The following RIC1 variants were observed in gnomAD, a reference collection of about 807,000 sequenced individuals.
RIC1 encodes RIC1 partner of RAB6A GEF complex, also known as guanine nucleotide exchange factor subunit RIC1.
Under a neutral mutation model 169.0 loss-of-function variants are expected in RIC1, and 88 were observed. The ratio of observed to expected loss-of-function variants is 0.52; its 90% confidence interval spans 0.44 to 0.62. The LOEUF is 0.62. RIC1 is among the 20% of genes least tolerant of loss of function. The pLI is 0.00. For missense variants in RIC1, 1,877 were observed against 1,725.5 expected, an observed-to-expected ratio of 1.09 and a Z score of -1.56; for synonymous variants, 790 against 601.5, an observed-to-expected ratio of 1.31 and a Z score of -4.59.
At chr9:5,681,319 A>T (rs561880347) in intron 2 of RIC1, among the ~76,000 whole-genome samples, 1 of 151,518 alleles carries the variant, frequency 6.6e-6, no homozygotes, top group East Asian at 1.9e-4. Context: ...AATTCCCTCT[A>T]CGCACTGCTT....
intron 2 of RIC1, among the ~76,000 whole-genome samples, chr9:5,668,665 G>C (rs1351446195): frequency 1.3e-5 from 2 of 151,946 alleles, no homozygotes; most frequent in African/African-American, 4.8e-5. Context: ...ATTTGCTATT[G>C]AATTTCTGTA....
At chr9:5,723,224 T>A (rs979753862) in intron 6 of RIC1, among the ~76,000 whole-genome samples, 1 of 152,240 alleles carries the variant, frequency 6.6e-6, no homozygotes, top group African/African-American at 2.4e-5. Context: ...ACCTATTGTT[T>A]CCTAAGTTTT....
intron 3 of RIC1, among the ~76,000 whole-genome samples, chr9:5,694,162 A>G (rs1049960769): frequency 1.3e-5 from 2 of 152,190 alleles, no homozygotes; most frequent in Non-Finnish European, 2.9e-5. Flanking sequence ...TTTAACTTCA[A>G]CACAACTTGC....
At chr9:5,676,436 A>T (rs1820447284) in intron 2 of RIC1, among the ~76,000 whole-genome samples, 1 of 152,182 alleles carries the variant, frequency 6.6e-6, no homozygotes, top group African/African-American at 2.4e-5. Flanking sequence ...CTTTATGTGT[A>T]TTAAAATTAA....
chr9:5,639,214 C>T (rs188264620), intron 1 of RIC1, among the ~76,000 whole-genome samples: 1 of 152,146 alleles, frequency 6.6e-6, no homozygotes, highest in East Asian at 1.9e-4. Context: ...CATTTTTCTT[C>T]TTTTATGGTG....
intron 1 of RIC1, among the ~76,000 whole-genome samples, chr9:5,648,909 T>G (rs992640226): frequency 2.0e-5 from 3 of 152,246 alleles, no homozygotes; most frequent in Admixed American, 2.0e-4. Flanking sequence ...TTTTAGTTTC[T>G]TGTCAGATGC....
Position 5,763,987 on chromosome 9 carries a change from T to G in RIC1, c.2841+119T>G, listed in dbSNP as rs1826510356. ...GGAATTCATAGTCAAATTTTCTGTT[T>G]ATATCTTTAATTTGGAAGAATTCAG... On this transcript the variant is annotated intron_variant, in intron 19 of 25. Coordinates refer to ENST00000414202, the MANE Select transcript of RIC1 (RefSeq NM_020829.4). The surrounding 1 kb of genome is among the most constrained non-coding windows in gnomAD (Gnocchi z 5.2). 1.8e-6 allele frequency: 2 copies of G among 1,136,652 alleles called. No homozygotes were observed. The highest frequency in any genetic ancestry group is 2.9e-4 in the Middle Eastern group (1 of 3,504). The allele number at this position is 1,136,652 out of a possible 1,614,324, so 70.4% of individuals were successfully genotyped here.
chr9:5,672,919 A>G (rs1820195692), intron 2 of RIC1, among the ~76,000 whole-genome samples: 1 of 152,210 alleles, frequency 6.6e-6, no homozygotes, highest in African/African-American at 2.4e-5. Flanking sequence ...TCTCATAGCC[A>G]TGAAAAAAGA....
intron 2 of RIC1, among the ~76,000 whole-genome samples, chr9:5,682,052 C>T (rs1438178554): frequency 6.6e-6 from 1 of 152,112 alleles, no homozygotes. Context: ...CTATGTGTGT[C>T]TCTGCACCTG....
intron 3 of RIC1, among the ~76,000 whole-genome samples, chr9:5,690,854 A>G (rs1032833433): frequency 6.6e-6 from 1 of 151,998 alleles, no homozygotes; most frequent in Admixed American, 6.5e-5. Context: ...CAGTAGATAA[A>G]TAGGGAAAGT....
At chr9:5,721,515 A>G (rs907308968) in intron 6 of RIC1, among the ~76,000 whole-genome samples, 2 of 152,128 alleles carry the variant, frequency 1.3e-5, no homozygotes, top group Non-Finnish European at 2.9e-5. Flanking sequence ...ACTTAACCCC[A>G]TTCTCCTAGT....
chr9:5,762,432 CAATA>C, intron 17 of RIC1, 105 bp from the exon 18 acceptor site: 1 of 1,353,286 alleles, frequency 7.4e-7, no homozygotes, highest in Non-Finnish European at 1.0e-6. Flanking sequence ...AGTACAACCT[CAATA>C]AATAATGTAG....
intron 4 of RIC1, among the ~76,000 whole-genome samples, chr9:5,718,000 CA>C (rs1283866907): frequency 2.0e-5 from 3 of 151,712 alleles, no homozygotes; most frequent in Non-Finnish European, 4.4e-5. Flanking sequence ...ATTAGCTGGG[CA>C]TGGTGGCGTG....
At chr9:5,643,863 C>G (rs1053851231) in intron 1 of RIC1, among the ~76,000 whole-genome samples, 1 of 152,118 alleles carries the variant, frequency 6.6e-6, no homozygotes, top group African/African-American at 2.4e-5. Context: ...ACAGTTTCTT[C>G]GTTCAGATTT....
At chr9:5,639,376 A>C (rs756329736) in intron 1 of RIC1, among the ~76,000 whole-genome samples, 1 of 152,154 alleles carries the variant, frequency 6.6e-6, no homozygotes, top group Non-Finnish European at 1.5e-5. Context: ...TCAGGAACAT[A>C]TTGTTTAATT....
At chr9:5,672,862 A>T (rs1820192676) in intron 2 of RIC1, among the ~76,000 whole-genome samples, 1 of 152,178 alleles carries the variant, frequency 6.6e-6, no homozygotes, top group African/African-American at 2.4e-5. Flanking sequence ...TTGACAATAG[A>T]CTTCTCACTA....
intron 1 of RIC1, among the ~76,000 whole-genome samples, chr9:5,650,930 C>G (rs550831684): frequency 6.6e-6 from 1 of 152,310 alleles, no homozygotes; most frequent in Admixed American, 6.5e-5. Flanking sequence ...TAGGGCTTTA[C>G]TAATGTGGAA....
In RIC1 at chr9:5,774,413, C is replaced by T; in HGVS notation, c.*167C>T. The T allele has an allele frequency of 1.8e-6, 1 of 547,682 alleles. No individual in the cohort carries two copies. Among genetic ancestry groups the T allele is most frequent in the Non-Finnish European group, 3.0e-6 (1 of 336,988 alleles). 33.9% of individuals were successfully genotyped at this position (547,682 alleles called of 1,614,324 possible). A position where few individuals can be genotyped will look rare whatever the true frequency, so the allele number is the denominator to read the frequency against. On this transcript the variant is annotated 3_prime_UTR_variant, in exon 26 of 26. Coordinates refer to ENST00000414202, the MANE Select transcript of RIC1 (RefSeq NM_020829.4). ...TCTTGTCTAAGAAATCTTTTTGACTCCATAAAAATGTGATATAAAGCATCT... is the reference window on the plus strand; with the variant it reads ...TCTTGTCTAAGAAATCTTTTTGACTTCATAAAAATGTGATATAAAGCATCT...
chr9:5,755,803 A>G (rs1825974185), intron 15 of RIC1, among the ~76,000 whole-genome samples: 1 of 152,092 alleles, frequency 6.6e-6, no homozygotes, highest in Admixed American at 6.5e-5. Context: ...CACCCCTGTA[A>G]TCCCAGCTAC....
Sources: allele counts gnomAD v4.1 joint callset (sites outside exome capture counted in the v4.1 genomes callset), GRCh38; gene constraint gnomAD v4.1.1; non-coding constraint Gnocchi (gnomAD v3.1); transcripts MANE v1.5; gene names NCBI Gene and HGNC (gene_info 2026-07-23, HGNC 2026-07-21).